JMJD1C: variants seen among roughly 807,000 people sequenced by gnomAD.
JMJD1C encodes the protein jumonji domain-containing protein 1C.
Under a neutral mutation model 245.3 loss-of-function variants are expected in JMJD1C, and 31 were observed. The observed-to-expected ratio is 0.13, with a 90% CI of 0.09 to 0.17. The LOEUF is 0.17. Ranked by LOEUF, JMJD1C falls within the 10% of genes least tolerant of loss-of-function variation. The pLI is 1.00. For missense variants in JMJD1C, 2,691 were observed against 3,000.2 expected, an observed-to-expected ratio of 0.90 and a Z score of 2.41; for synonymous variants, 1,057 against 1,017.4, an observed-to-expected ratio of 1.04 and a Z score of -0.74.
At chr10:63,497,589 T>C (rs1383542155) in intron 1 of JMJD1C, among the ~76,000 whole-genome samples, 4 of 152,210 alleles carry the variant, frequency 2.6e-5, no homozygotes, top group African/African-American at 9.7e-5. Context: ...TCTGTGAACA[T>C]GCTAAAAACC....
intron 2 of JMJD1C, among the ~76,000 whole-genome samples, chr10:63,283,816 A>T (rs1486602544): frequency 2.0e-5 from 3 of 152,154 alleles, no homozygotes; most frequent in Non-Finnish European, 4.4e-5. Flanking sequence ...GGGTATACTT[A>T]AAAAGTTACA....
At chr10:63,358,554 A>G in intron 2 of JMJD1C, among the ~76,000 whole-genome samples, 1 of 152,144 alleles carries the variant, frequency 6.6e-6, no homozygotes, top group East Asian at 1.9e-4. Flanking sequence ...TATTAGGGTT[A>G]GAATAGGGGA....
chr10:63,308,751 CAAAAAAA>C (rs377153800), intron 2 of JMJD1C, among the ~76,000 whole-genome samples: 24 of 49,864 alleles, frequency 4.8e-4, no homozygotes, highest in South Asian at 4.8e-3. Context: ...CATTTGAGAA[CAAAAAAA>C]AAAAAAAAAA....
At chr10:63,272,741 A>C (rs1321042415) in intron 2 of JMJD1C, among the ~76,000 whole-genome samples, 1 of 152,180 alleles carries the variant, frequency 6.6e-6, no homozygotes, top group Non-Finnish European at 1.5e-5. Context: ...TAATATAACA[A>C]ACTATCAAAT....
chr10:63,241,382 A>G (rs1851465688), intron 3 of JMJD1C, among the ~76,000 whole-genome samples: 1 of 152,188 alleles, frequency 6.6e-6, no homozygotes, highest in South Asian at 2.1e-4. Context: ...CCACAAATCG[A>G]TAATTGTTAA....
At chr10:63,408,982 A>C (rs1259218469) in intron 1 of JMJD1C, among the ~76,000 whole-genome samples, 2 of 152,220 alleles carry the variant, frequency 1.3e-5, no homozygotes, top group Non-Finnish European at 2.9e-5. Flanking sequence ...CTGATTAATC[A>C]GTGGCAAGTA....
rs547180476 is a variant in JMJD1C at position 63,508,198 on chromosome 10, G to T, written n.113+13540C>A. ...GTCTTGATTGATTTCTTTTGCATGT[G>T]AATGTCAGGTTATTCCAACATTATT... On this transcript the variant is annotated intron_variant and non_coding_transcript_variant, in intron 1 of 3. Coordinates refer to the JMJD1C transcript ENST00000633035. Among the ~76,000 whole-genome samples the T allele has an allele frequency of 3.5e-4, 54 of 152,284 alleles. No homozygotes were observed. In the South Asian group the frequency reaches 0.011, roughly 32 times the overall value.
At chr10:63,481,162 T>C (rs1292751046) in intron 1 of JMJD1C, among the ~76,000 whole-genome samples, 2 of 152,252 alleles carry the variant, frequency 1.3e-5, no homozygotes, top group Non-Finnish European at 2.9e-5. Context: ...TAGGATTTCC[T>C]TGTATTATAG....
rs1841989130 is a variant in JMJD1C, at chr10:63,167,867, A to C, written c.*178T>G. ...AATTCTGCTTGTTTTATAACATTGA[A>C]TCACAGGAGCTGTGACATATGCTAT... On this transcript the variant is annotated 3_prime_UTR_variant, in exon 26 of 26. Transcript: ENST00000399262. The C allele has an allele frequency of 2.0e-6, 1 of 512,066 alleles. No individual in the cohort carries two copies. The highest frequency in any genetic ancestry group is 1.9e-5 in the African/African-American group (1 of 52,666). 31.7% of individuals were successfully genotyped at this position (512,066 alleles called of 1,614,324 possible). A position where few individuals can be genotyped will look rare whatever the true frequency, so the allele number is the denominator to read the frequency against.
chr10:63,464,942 G>A (rs1016927385), intron 1 of JMJD1C, among the ~76,000 whole-genome samples: 4 of 152,198 alleles, frequency 2.6e-5, no homozygotes, highest in African/African-American at 9.7e-5. Flanking sequence ...TCCGGGCACA[G>A]CCACCACCAC....
At chr10:63,453,699 T>G (rs1022639504) in intron 1 of JMJD1C, among the ~76,000 whole-genome samples, 1 of 152,186 alleles carries the variant, frequency 6.6e-6, no homozygotes, top group African/African-American at 2.4e-5. Flanking sequence ...GGCAAGAGAC[T>G]AGGAAAAAAC....
intron 2 of JMJD1C, among the ~76,000 whole-genome samples, chr10:63,349,733 A>G (rs1229999979): frequency 2.0e-5 from 3 of 152,196 alleles, no homozygotes; most frequent in African/African-American, 7.2e-5. Flanking sequence ...AAAAGTATGA[A>G]TAAAAGAATG....
chr10:63,436,047 A>G (rs770916055), intron 1 of JMJD1C, among the ~76,000 whole-genome samples: 2 of 152,384 alleles, frequency 1.3e-5, no homozygotes, highest in East Asian at 1.9e-4. Flanking sequence ...TCTATCAACA[A>G]CAGTGCATTG....
chr10:63,422,620 A>C (rs1474530075), intron 1 of JMJD1C, among the ~76,000 whole-genome samples: 1 of 152,218 alleles, frequency 6.6e-6, no homozygotes, highest in Non-Finnish European at 1.5e-5. Context: ...CACTCAATGA[A>C]CATTAAACGT....
rs369039905 is a variant in JMJD1C at position 63,382,451 on chromosome 10, AT to A, written c.169-1970del. 5.8e-3 allele frequency among the ~76,000 whole-genome samples: 879 copies of A among 152,306 alleles called. 13 individuals are homozygous for A. The highest frequency in any genetic ancestry group is 0.02 in the African/African-American group (828 of 41,560). On this transcript the variant is annotated intron_variant, in intron 1 of 25. Coordinates refer to ENST00000399262, the MANE Select transcript of JMJD1C (RefSeq NM_032776.3). ...TACATTAACAGAATAAAGGAAAAAA[AT>A]CATCTTTAATGATGCAGAAAAAGCA...
At chr10:63,379,655 A>C (rs1359841583) in intron 2 of JMJD1C, among the ~76,000 whole-genome samples, 2 of 152,224 alleles carry the variant, frequency 1.3e-5, no homozygotes, top group African/African-American at 2.4e-5. Flanking sequence ...TCTCCCACTT[A>C]ACAAAGTTTC....
intron 12 of JMJD1C, among the ~76,000 whole-genome samples, chr10:63,198,098 G>C (rs535955821): frequency 9.8e-5 from 15 of 152,336 alleles, no homozygotes; most frequent in Middle Eastern, 6.8e-3. Context: ...ACAAATTAAT[G>C]AGATAGTTAT....
At chr10:63,329,539 TA>T (rs1009715906) in intron 2 of JMJD1C, among the ~76,000 whole-genome samples, 259 of 114,412 alleles carry the variant, frequency 2.3e-3, no homozygotes, top group African/African-American at 3.9e-3. Flanking sequence ...ACAAAAACAC[TA>T]AAAAAAAAAA....
At chr10:63,295,357 T>G (rs1053068360) in intron 2 of JMJD1C, among the ~76,000 whole-genome samples, 1 of 151,864 alleles carries the variant, frequency 6.6e-6, no homozygotes, top group African/African-American at 2.4e-5. Context: ...CCTAAAGTGC[T>G]CGGCCACCCA....
Sources: gnomAD v4.1 joint callset for allele counts (sites outside exome capture counted in the v4.1 genomes callset) on GRCh38, gnomAD v4.1.1 for gene constraint, MANE v1.5 for transcripts, NCBI Gene and HGNC (gene_info 2026-07-23, HGNC 2026-07-21) for gene names.